ADGRG4: variants seen among roughly 807,000 people sequenced by gnomAD.
ADGRG4 encodes the protein G protein-coupled receptor 112.
In ADGRG4, 122 loss-of-function variants were observed where a neutral mutation model predicts 126.2. The observed-to-expected ratio is 0.97, with a 90% confidence interval of 0.83 to 1.12. ADGRG4 has a LOEUF of 1.12. Ranked by LOEUF, ADGRG4 falls within the 50% of genes most tolerant of loss-of-function variation. ADGRG4 has a pLI of 0.00. For missense variants in ADGRG4, 2,481 were observed against 2,251.8 expected (o/e 1.10, Z -2.06); for synonymous variants, 943 against 838.7 (o/e 1.12, Z -2.15).
At position 136,395,440 on chromosome X, in the gene ADGRG4, G is replaced by A. The variant is rs1446241447; in HGVS notation, c.8131G>A (p.Val2711Ile). The A allele has an allele frequency of 1.7e-6, 2 of 1,204,615 alleles. No individual in the cohort carries two copies. The highest frequency in any genetic ancestry group is 3.0e-5 in the East Asian group (1 of 33,750). Residue 2711 changes from valine to isoleucine, a missense_variant, in exon 19 of 26, where the codon GTA becomes ATA. By Grantham distance (29) the Val-to-Ile change is conservative. Coordinates refer to ENST00000394143, the MANE Select transcript of ADGRG4 (RefSeq NM_153834.4). ...AGGCTGTAAAGTAAAGGAAACAAAT[G>A]TAAATTACACAATCTGTCAGTGTGA... ...SSGCKVKETN[V>I]NYTICQCDHL...
At chrX:136,330,183 A>G (rs1242794646) in intron 5 of ADGRG4, among the ~76,000 whole-genome samples, 2 of 111,142 alleles carry the variant, frequency 1.8e-5, no homozygotes, top group Non-Finnish European at 3.8e-5. Flanking sequence ...CTACCAGCAT[A>G]CTGATGCTGA....
Position 136,375,430 on chromosome X carries a change from T to C in ADGRG4, c.7776+2366T>C, listed in dbSNP as rs747440598. 3.6e-5 allele frequency among the ~76,000 whole-genome samples: 4 copies of C among 112,271 alleles called. No individual in the cohort carries two copies. In the East Asian group the frequency reaches 1.1e-3, roughly 31 times the overall value. On this transcript the variant is annotated intron_variant, in intron 15 of 25. Coordinates refer to ENST00000394143, the MANE Select transcript of ADGRG4 (RefSeq NM_153834.4). ...GTGGGATTGCTAGATGGAATGGTAG[T>C]TCTCAGTTTAGTTCTTTAAGGGATC... is the stretch of plus-strand genomic sequence containing the variant.
intron 8 of ADGRG4, among the ~76,000 whole-genome samples, chrX:136,355,156 T>C (rs2075085587): frequency 1.8e-5 from 2 of 110,880 alleles, no homozygotes; most frequent in African/African-American, 6.6e-5. Context: ...CCTAACATTA[T>C]AACAAAAGAC....
intron 5 of ADGRG4, among the ~76,000 whole-genome samples, chrX:136,333,732 G>T (rs907828346): frequency 9.0e-6 from 1 of 110,508 alleles, no homozygotes; most frequent in Admixed American, 9.6e-5. Context: ...TGGCCAGGCT[G>T]GTCTCGAACT....
At chrX:136,360,706 C>T (rs964635291) in intron 11 of ADGRG4, among the ~76,000 whole-genome samples, 2 of 109,777 alleles carry the variant, frequency 1.8e-5, no homozygotes, top group South Asian at 3.9e-4. Flanking sequence ...CACACCATTG[C>T]GCTCCAGACT....
chrX:136,390,734 T>C (rs970142990), intron 16 of ADGRG4, among the ~76,000 whole-genome samples: 5 of 111,653 alleles, frequency 4.5e-5, no homozygotes, highest in African/African-American at 1.6e-4. Context: ...GCTACCGTTT[T>C]GTAGTAAGGG....
Position 136,371,472 on chromosome X carries a change from T to G in ADGRG4, c.7541T>G (p.Met2514Arg). Reference protein sequence around the residue: ...DEISMNLTHVMLQIINVVLEK... With the variant: ...DEISMNLTHVRLQIINVVLEK... Reference sequence around the variant, plus strand: ...ATAAGTATGAACCTAACTCATGTTATGTTACAAATAATCAACGTTGTTTTG... The same window carrying G: ...ATAAGTATGAACCTAACTCATGTTAGGTTACAAATAATCAACGTTGTTTTG... The change falls in exon 14 of 26, where the codon ATG (methionine) becomes AGG (arginine). Residue 2514 changes from methionine (M) to arginine (R), a missense_variant. Coordinates refer to ENST00000394143, the MANE Select transcript of ADGRG4 (RefSeq NM_153834.4). 1 of 1,197,935 alleles carries G rather than the reference T, an allele frequency of 8.3e-7. No homozygotes were observed. The highest frequency in any genetic ancestry group is 1.1e-6 in the Non-Finnish European group (1 of 886,604).
chrX:136,412,714 G>T (rs2148503273), intron 24 of ADGRG4, among the ~76,000 whole-genome samples: 1 of 112,315 alleles, frequency 8.9e-6, no homozygotes, highest in East Asian at 2.8e-4. Flanking sequence ...GCCAACAGTG[G>T]GTTGAGTGGA....
At chrX:136,308,458 A>G (rs2074747613) in intron 3 of ADGRG4, among the ~76,000 whole-genome samples, 2 of 112,000 alleles carry the variant, frequency 1.8e-5, no homozygotes, top group African/African-American at 3.2e-5. Flanking sequence ...CACAGGGCTA[A>G]CTGTCCTATG....
chrX:136,366,984 C>T (rs1391859228), intron 13 of ADGRG4, among the ~76,000 whole-genome samples: 1 of 110,762 alleles, frequency 9.0e-6, no homozygotes, highest in African/African-American at 3.3e-5. Context: ...GAGATTAGCA[C>T]CCTTATAAAA....
In ADGRG4 at chrX:136,345,540, A is replaced by G. The variant is rs2075009315; in HGVS notation, c.1834A>G (p.Thr612Ala). 1 of 1,209,787 alleles carries G rather than the reference A, an allele frequency of 8.3e-7. No homozygotes were observed. Among genetic ancestry groups the G allele is most frequent in the Non-Finnish European group, 1.1e-6 (1 of 894,184 alleles). ...CACAGGACGAGTTTACACCCAGAAT[A>G]CACCTACAGCTGATGGACACTTGCT... is the stretch of plus-strand genomic sequence containing the variant. ...TITGRVYTQN[T>A]PTADGHLLTL... Residue 612 changes from threonine (T) to alanine (A), a missense_variant, in exon 6 of 26, where the codon ACA becomes GCA. By Grantham distance (58) the Thr-to-Ala change is moderately conservative. Coordinates refer to ENST00000394143, the MANE Select transcript of ADGRG4 (RefSeq NM_153834.4).
chrX:136,334,156 T>G (rs1340885589), intron 5 of ADGRG4, among the ~76,000 whole-genome samples: 1 of 105,981 alleles, frequency 9.4e-6, no homozygotes, highest in African/African-American at 3.5e-5. Flanking sequence ...TTCTTTCTTT[T>G]TTTTGGTCTA....
chrX:136,392,688 C>T (rs754936119), intron 17 of ADGRG4, among the ~76,000 whole-genome samples: 3 of 112,035 alleles, frequency 2.7e-5, no homozygotes, highest in African/African-American at 9.7e-5. Context: ...ATTTGTATTA[C>T]TTGAATTTCC....
At chrX:136,333,298 T>C (rs1245886041) in intron 5 of ADGRG4, among the ~76,000 whole-genome samples, 1 of 111,382 alleles carries the variant, frequency 9.0e-6, no homozygotes, top group African/African-American at 3.3e-5. Flanking sequence ...TCATGTATTT[T>C]TTTTTAGTAG....
intron 8 of ADGRG4, among the ~76,000 whole-genome samples, chrX:136,354,014 T>C (rs945407094): frequency 3.6e-5 from 4 of 111,909 alleles, no homozygotes; most frequent in Admixed American, 1.9e-4. Context: ...CAGAAGCTCT[T>C]TGAAAAATAG....
chrX:136,394,543 C>G (rs1265826609), intron 18 of ADGRG4, among the ~76,000 whole-genome samples: 2 of 111,859 alleles, frequency 1.8e-5, no homozygotes. Flanking sequence ...CTTTCCTGAT[C>G]CCCTCCAAGT....
intron 22 of ADGRG4, 57 bp downstream of exon 22, chrX:136,403,379 G>A (rs2148498888): frequency 2.1e-6 from 2 of 958,671 alleles, no homozygotes; most frequent in Non-Finnish European, 3.0e-6. Context: ...GCAGGGTATA[G>A]TAAAATGTTC....
At chrX:136,373,127 T>G (rs748071637) in intron 15 of ADGRG4, 63 bp downstream of exon 15, 1 of 1,027,022 alleles carries the variant, frequency 9.7e-7, no homozygotes, top group South Asian at 2.3e-5. Context: ...CTTCATTCAT[T>G]TACTCCTTGG....
chrX:136,413,477 C>G (rs1029386463), intron 24 of ADGRG4, among the ~76,000 whole-genome samples: 4 of 110,783 alleles, frequency 3.6e-5, no homozygotes, highest in African/African-American at 9.9e-5. Flanking sequence ...TTTTCTTAAT[C>G]CAGCCAGAAT....
Sources: allele counts gnomAD v4.1 joint callset (sites outside exome capture counted in the v4.1 genomes callset), GRCh38; gene constraint gnomAD v4.1.1; transcripts MANE v1.5; gene names NCBI Gene and HGNC (gene_info 2026-07-23, HGNC 2026-07-21).